The following CASZ1 variants were observed in gnomAD, a reference collection of about 807,000 sequenced individuals.
CASZ1 encodes the protein zinc finger protein castor homolog 1.
CASZ1 carries 28 observed loss-of-function variants against 135.2 expected under a neutral mutation model. The observed-to-expected ratio is 0.21, with a 90% CI of 0.15 to 0.28. CASZ1 has a LOEUF of 0.28. Ranked by LOEUF, CASZ1 falls within the 10% of genes least tolerant of loss-of-function variation. The pLI is 1.00. For synonymous variants in CASZ1, 1,068 were observed against 1,073.4 expected (o/e 0.99, Z 0.10); for missense variants, 2,161 against 2,453.3 (o/e 0.88, Z 2.52).
At position 10,721,369 on chromosome 1, in the gene CASZ1, G is replaced by A. The variant is rs899668585; in HGVS notation, c.-76-15825C>T. Among the ~76,000 whole-genome samples, 1 of 151,960 alleles carries A rather than the reference G, an allele frequency of 6.6e-6. No individual in the cohort carries two copies. Among genetic ancestry groups the A allele is most frequent in the Non-Finnish European group, 1.5e-5 (1 of 68,006 alleles). On this transcript the variant is annotated intron_variant, in intron 2 of 20. Coordinates refer to ENST00000377022, the MANE Select transcript of CASZ1 (RefSeq NM_001079843.3). The surrounding 1 kb of genome is among the most constrained non-coding windows in gnomAD (Gnocchi z 5.4). Reference sequence around the variant, plus strand: ...TTTTCTTTAATGAAAGATGCTTGACGTCTCCGATCCAATTAATATGCAAAT... The same window carrying A: ...TTTTCTTTAATGAAAGATGCTTGACATCTCCGATCCAATTAATATGCAAAT...
rs1371760564 is a variant in CASZ1, at chr1:10,654,138, T to A, written c.1919A>T (p.Tyr640Phe). ...GAACTTCTTGAAGCCGTCCTTGGCG[T>A]AGGCATCGTCCTTGATGTGGTAGCT... The part of the protein sequence containing the change: ...HKSYHIKDDA[Y>F]AKDGFKKFYK... Residue 640 changes from tyrosine (Y) to phenylalanine (F), a missense_variant, in exon 11 of 21, where the codon TAC becomes TTC. Tyr to Phe is a conservative substitution (Grantham distance 22, BLOSUM62 3). This residue lies in a region of CASZ1 where 248 missense variants were observed against 410.8 expected (regional missense o/e 0.60). Coordinates refer to ENST00000377022, the MANE Select transcript of CASZ1 (RefSeq NM_001079843.3). 6.2e-7 allele frequency: 1 copy of A among 1,614,088 alleles called. No homozygotes were observed. Among genetic ancestry groups the A allele is most frequent in the East Asian group, 2.2e-5 (1 of 44,892 alleles).
chr1:10,642,966 T>A lies in CASZ1; in HGVS notation c.4055A>T (p.Glu1352Val). 6.2e-7 allele frequency: 1 copy of A among 1,612,934 alleles called. No homozygotes were observed. Among genetic ancestry groups the A allele is most frequent in the East Asian group, 2.2e-5 (1 of 44,860 alleles). Residue 1352 changes from glutamate (E) to valine (V), a missense_variant, in exon 20 of 21, where the codon GAG becomes GTG. Physicochemically the swap from Glu to Val is moderately radical, Grantham distance 121. Around this residue, in one of 7 missense-constraint regions of CASZ1, gnomAD observed 143 missense variants for 128.3 expected, o/e 1.11. Coordinates refer to ENST00000377022, the MANE Select transcript of CASZ1 (RefSeq NM_001079843.3). ...PPGLMDAETDECMDYTGCSPG... is the reference protein window; with the variant it reads ...PPGLMDAETDVCMDYTGCSPG... Reference sequence around the variant, plus strand: ...GCTGCAGCCAGTGTAGTCCATGCACTCATCTGTCTCAGCATCCATCAGGCC... The same window carrying A: ...GCTGCAGCCAGTGTAGTCCATGCACACATCTGTCTCAGCATCCATCAGGCC...
rs201132338 is a variant in CASZ1, at chr1:10,653,544, G to A, written c.2513C>T (p.Thr838Met). ...GTCTCCAGCTCCCGAGGCGACCAGC[G>A]TGGGTGTGTCAGGGGTGGCTGAGGC... The part of the protein sequence containing the change: ...SAASATPDTP[T>M]LVASGAGDSA... Residue 838 changes from threonine (T) to methionine (M), a missense_variant, in exon 11 of 21, where the codon ACG (threonine) becomes ATG (methionine). Around this residue, in one of 7 missense-constraint regions of CASZ1, gnomAD observed 406 missense variants for 387.6 expected, o/e 1.05. Coordinates refer to ENST00000377022, the MANE Select transcript of CASZ1 (RefSeq NM_001079843.3). The A allele has an allele frequency of 1.7e-4, 278 of 1,595,450 alleles. No homozygotes were observed. The highest frequency in any genetic ancestry group is 1.5e-3 in the Admixed American group (86 of 59,038).
intron 4 of CASZ1, among the ~76,000 whole-genome samples, chr1:10,672,233 CGCACT>C (rs1643429221): frequency 6.7e-6 from 1 of 148,458 alleles, no homozygotes; most frequent in Non-Finnish European, 1.5e-5. Context: ...CCCTCCCCTC[CGCACT>C]ATAAAAACAC....
chr1:10,671,326 G>A (rs1018149608), intron 4 of CASZ1, among the ~76,000 whole-genome samples: 1 of 152,210 alleles, frequency 6.6e-6, no homozygotes, highest in African/African-American at 2.4e-5. Context: ...ATGCCTGTGC[G>A]CGCGCACACA....
chr1:10,787,758 G>A (rs1432977350), intron 1 of CASZ1, among the ~76,000 whole-genome samples: 1 of 151,936 alleles, frequency 6.6e-6, no homozygotes, highest in African/African-American at 2.4e-5. Context: ...CACACGCAGG[G>A]CATGCAATTT....
At chr1:10,732,804 T>G (rs1570536218) in intron 2 of CASZ1, among the ~76,000 whole-genome samples, 1 of 152,172 alleles carries the variant, frequency 6.6e-6, no homozygotes, top group Non-Finnish European at 1.5e-5. Flanking sequence ...GGGCCACACT[T>G]GCCCCATCAG....
chr1:10,653,576 C>A lies in CASZ1; in HGVS notation c.2481G>T (p.Gly827=). The A allele has an allele frequency of 1.3e-6, 2 of 1,568,564 alleles. No homozygotes were observed. Among genetic ancestry groups the A allele is most frequent in the Non-Finnish European group, 8.7e-7 (1 of 1,155,298 alleles). The part of the protein sequence containing the change: ...TPSLLGAVSS[G]SAASATPDTP... ...TGTCAGGGGTGGCTGAGGCTGCTGACCCAGACGACACGGCACCCAGGAGGC... is the reference window on the plus strand; with the variant it reads ...TGTCAGGGGTGGCTGAGGCTGCTGAACCAGACGACACGGCACCCAGGAGGC... The change falls in exon 11 of 21, where the codon GGG becomes GGT. Residue 827 remains glycine (G), a synonymous_variant. Coordinates refer to ENST00000377022, the MANE Select transcript of CASZ1 (RefSeq NM_001079843.3).
chr1:10,638,374 G>A lies in CASZ1; in HGVS notation c.*568C>T, dbSNP rs1372531280. The stretch of plus-strand genomic sequence containing the variant: ...AGGCCTGGGGGAGCAGCCGGGCCCT[G>A]GGGTGGGGCTGAGCTGGAGCTCCGC... On this transcript the variant is annotated 3_prime_UTR_variant, in exon 21 of 21. Transcript: ENST00000377022. The surrounding 1 kb of genome is among the most constrained non-coding windows in gnomAD (Gnocchi z 5.9). The A allele has an allele frequency of 1.3e-5, 2 of 152,162 alleles. No individual in the cohort carries two copies. Among genetic ancestry groups the A allele is most frequent in the African/African-American group, 2.4e-5 (1 of 41,426 alleles). 9.4% of individuals were successfully genotyped at this position (152,162 alleles called of 1,614,324 possible). A position where few individuals can be genotyped will look rare whatever the true frequency, so the allele number is the denominator to read the frequency against.
rs1642381825 is a variant in CASZ1, at chr1:10,647,006, A to G, written c.3498-680T>C. Among the ~76,000 whole-genome samples the G allele has an allele frequency of 6.6e-6, 1 of 151,116 alleles. No individual in the cohort carries two copies. The highest frequency in any genetic ancestry group is 2.1e-4 in the South Asian group (1 of 4,780). The stretch of plus-strand genomic sequence containing the variant: ...AGGAGGACACTGGTCCCAGCCTTCA[A>G]CTCTGGTTGGCAACACTGTAGTCCC... On this transcript the variant is annotated intron_variant, in intron 16 of 20. Transcript: ENST00000377022. This position sits in a 1 kb window ranked among gnomAD's most constrained non-coding sequence, Gnocchi z 4.9.
intron 1 of CASZ1, among the ~76,000 whole-genome samples, chr1:10,772,957 G>A (rs961678136): frequency 2.0e-5 from 3 of 152,120 alleles, no homozygotes; most frequent in African/African-American, 7.2e-5. Context: ...GTGGAGGATG[G>A]GGGCTCCCGA....
intron 1 of CASZ1, among the ~76,000 whole-genome samples, chr1:10,773,573 G>C (rs1474667160): frequency 5.9e-5 from 9 of 152,092 alleles, no homozygotes; most frequent in Non-Finnish European, 1.2e-4. Flanking sequence ...ACATGGTGAG[G>C]GGAAGGGTCA....
At chr1:10,668,003 C>T (rs1324918925) in intron 4 of CASZ1, among the ~76,000 whole-genome samples, 4 of 152,320 alleles carry the variant, frequency 2.6e-5, no homozygotes, top group South Asian at 4.1e-4. Flanking sequence ...CTCCAGCTGC[C>T]GCGCTGCCCC....
chr1:10,705,712 GCT>G (rs1172752261), intron 2 of CASZ1, 168 bp from the exon 3 acceptor site: 1 of 152,300 alleles, frequency 6.6e-6, no homozygotes, highest in Non-Finnish European at 1.5e-5. Context: ...TGCCGGGTGG[GCT>G]CTGATTTGGC....
chr1:10,660,638 G>C (rs1459399834), intron 5 of CASZ1, 102 bp from the exon 6 acceptor site: 2 of 840,306 alleles, frequency 2.4e-6, no homozygotes, highest in South Asian at 3.1e-5. Flanking sequence ...GGGTCAGTGT[G>C]GGGAGGGGCG....
At chr1:10,695,841 C>T (rs1638922282) in intron 3 of CASZ1, among the ~76,000 whole-genome samples, 1 of 152,138 alleles carries the variant, frequency 6.6e-6, no homozygotes, top group South Asian at 2.1e-4. Context: ...CAGAGGGCCT[C>T]AAGGAAAGAG....
intron 2 of CASZ1, among the ~76,000 whole-genome samples, chr1:10,710,716 C>A (rs1639268817): frequency 6.6e-6 from 1 of 152,268 alleles, no homozygotes; most frequent in Admixed American, 6.5e-5. Context: ...CTTTCCCCAG[C>A]CCCTGTGCCA....
At chr1:10,685,252 T>C (rs190859788) in intron 4 of CASZ1, among the ~76,000 whole-genome samples, 1 of 151,416 alleles carries the variant, frequency 6.6e-6, no homozygotes, top group East Asian at 1.9e-4. Context: ...TAGAGGGGAG[T>C]CTGGGGAGAA....
At position 10,639,998 on chromosome 1, in the gene CASZ1, G is replaced by A. The variant is rs750789845; in HGVS notation, c.4224C>T (p.Asp1408=). The A allele has an allele frequency of 3.1e-6, 5 of 1,612,458 alleles. No homozygotes were observed. The highest frequency in any genetic ancestry group is 1.7e-5 in the Admixed American group (1 of 60,028). The change falls in exon 21 of 21, where the codon GAC becomes GAT. Residue 1408 remains aspartate, a synonymous_variant. Coordinates refer to ENST00000377022, the MANE Select transcript of CASZ1 (RefSeq NM_001079843.3). This position sits in a 1 kb window ranked among gnomAD's most constrained non-coding sequence, Gnocchi z 4.0. ...TCCGCCGCTTGCCGAAGGGCGACAT[G>A]TCCTCGATGATCCAGAAGCGCTTTT... is the stretch of plus-strand genomic sequence containing the variant. ...GAKKRFWIIE[D]MSPFGKRRKT...
Sources: gnomAD v4.1 joint callset for allele counts (sites outside exome capture counted in the v4.1 genomes callset) on GRCh38, gnomAD v4.1.1 for gene constraint, gnomAD v4.1.1 regional missense constraint, Gnocchi (gnomAD v3.1) non-coding constraint, MANE v1.5 for transcripts, NCBI Gene and HGNC (gene_info 2026-07-23, HGNC 2026-07-21) for gene names.